Variants in NOTCH3 observed in about 807,000 individuals in gnomAD.
NOTCH3 encodes notch receptor 3.
In NOTCH3, 86 loss-of-function variants were observed where a neutral mutation model predicts 213.3. The observed-to-expected ratio is 0.40, with a 90% CI of 0.34 to 0.48. NOTCH3 has a LOEUF of 0.48. Among genes scored for constraint, NOTCH3 ranks in the 20% least tolerant of loss-of-function variants. The probability of loss-of-function intolerance (pLI) is 0.57; values close to 1 mark genes in which losing one functional copy is unlikely to be tolerated. For missense variants in NOTCH3, 2,783 were observed against 3,272.6 expected, an observed-to-expected ratio of 0.85 and a Z score of 3.65; for synonymous variants, 1,354 against 1,355.9, an observed-to-expected ratio of 1.00 and a Z score of 0.03.
At position 15,160,566 on chromosome 19, in the gene NOTCH3, G is replaced by A. The variant is rs117165744; in HGVS notation, c.*96C>T. ...AGGAGGGTTGGTGGAAAGAGAAGAG[G>A]ATGAAAAAGACTAAAAGGAAGGAAG... On this transcript the variant is annotated 3_prime_UTR_variant, in exon 33 of 33. Coordinates refer to ENST00000263388, the MANE Select transcript of NOTCH3 (RefSeq NM_000435.3). The A allele has an allele frequency of 8.5e-3, 8,657 of 1,015,174 alleles. 59 individuals are homozygous for A. Among genetic ancestry groups the A allele is most frequent in the Middle Eastern group, 0.011 (44 of 4,042 alleles). The allele number at this position is 1,015,174 out of a possible 1,614,324, so 62.9% of individuals were successfully genotyped here. A position where few individuals can be genotyped will look rare whatever the true frequency, so the allele number is the denominator to read the frequency against.
chr19:15,163,315 C>G (rs2046660745), intron 31 of NOTCH3, among the ~76,000 whole-genome samples: 1 of 152,176 alleles, frequency 6.6e-6, no homozygotes, highest in African/African-American at 2.4e-5. Flanking sequence ...TATTCACATT[C>G]AAAGAATGAA....
In NOTCH3 at chr19:15,178,647, T is replaced by C. The variant is rs146554449; in HGVS notation, c.3837+176A>G. ...TGATCCTCCCGCCTCGGCCTCCCAATGTGCTGGGATTACAGGTGTGAGCTA... is the reference window on the plus strand; with the variant it reads ...TGATCCTCCCGCCTCGGCCTCCCAACGTGCTGGGATTACAGGTGTGAGCTA... On this transcript the variant is annotated intron_variant, in intron 23 of 32. Coordinates refer to ENST00000263388, the MANE Select transcript of NOTCH3 (RefSeq NM_000435.3). 4.2e-5 allele frequency: 27 copies of C among 648,568 alleles called. No individual in the cohort carries two copies. The African/African-American group carries it at 4.3e-4, about 10-fold the overall frequency. The allele number at this position is 648,568 out of a possible 1,614,324, so 40.2% of individuals were successfully genotyped here.
chr19:15,179,162 G>C lies in NOTCH3; in HGVS notation c.3581C>G (p.Pro1194Arg), dbSNP rs759742938. 1.2e-6 allele frequency: 2 copies of C among 1,614,164 alleles called. No homozygotes were observed. The highest frequency in any genetic ancestry group is 4.5e-5 in the East Asian group (2 of 44,878). The change falls in exon 22 of 33, where the codon CCC becomes CGC. Residue 1194 changes from proline to arginine, a missense_variant. Transcript: ENST00000263388. The part of the protein sequence containing the change: ...DLVGGFRCTC[P>R]PGYTGLRCEA... ...GCAGCGCAAACCAGTGTATCCTGGG[G>C]GACAGGTGCAGCGGAAACCACCCAC...
At chr19:15,177,458 G>A in intron 24 of NOTCH3, 67 bp downstream of exon 24, 1 of 1,446,368 alleles carries the variant, frequency 6.9e-7, no homozygotes, top group Non-Finnish European at 9.5e-7. Flanking sequence ...AAGAGAGGCA[G>A]GGCCCACGGA....
Position 15,174,263 on chromosome 19 carries a change from A to G in NOTCH3, c.4541T>C (p.Val1514Ala). 2 of 1,578,492 alleles carry G rather than the reference A, an allele frequency of 1.3e-6. No individual in the cohort carries two copies. Among genetic ancestry groups the G allele is most frequent in the Non-Finnish European group, 1.7e-6 (2 of 1,165,226 alleles). ...VPALLARGVL[V>A]LTVLLPPEEL... Reference sequence around the variant, plus strand: ...CTCTGGCGGCAGCAGCACTGTGAGCACCAGCACGCCGCGGGCCAGCAGGGC... The same window carrying G: ...CTCTGGCGGCAGCAGCACTGTGAGCGCCAGCACGCCGCGGGCCAGCAGGGC... The change falls in exon 25 of 33, where the codon GTG (valine) becomes GCG (alanine). Residue 1514 changes from valine to alanine, a missense_variant. Val to Ala is a moderately conservative substitution (Grantham distance 64). Transcript: ENST00000263388.
Position 15,191,662 on chromosome 19 carries a change from G to T in NOTCH3, c.803-5C>A, listed in dbSNP as rs114358848. On this transcript the variant is annotated splice_region_variant and splice_polypyrimidine_tract_variant and intron_variant, in intron 5 of 32. Coordinates refer to ENST00000263388, the MANE Select transcript of NOTCH3 (RefSeq NM_000435.3). ...CGTCCTCCGTGCAGAACTGGCCTGT[G>T]GCACACAGATGCAGCAGTCCAGCCA... The T allele has an allele frequency of 6.2e-7, 1 of 1,613,564 alleles. No homozygotes were observed. The highest frequency in any genetic ancestry group is 1.3e-5 in the African/African-American group (1 of 75,058).
At chr19:15,176,847 C>T (rs1466382756) in intron 24 of NOTCH3, among the ~76,000 whole-genome samples, 14 of 145,130 alleles carry the variant, frequency 9.6e-5, no homozygotes, top group South Asian at 4.4e-4. Context: ...CCAAGGCGGG[C>T]GGATCACAAG....
At chr19:15,199,893 C>T (rs926179308) in intron 1 of NOTCH3, among the ~76,000 whole-genome samples, 2 of 152,168 alleles carry the variant, frequency 1.3e-5, no homozygotes, top group East Asian at 3.9e-4. Context: ...ACCAGGCCTC[C>T]CGTAGCGGTG....
intron 3 of NOTCH3, 23 bp from the exon 4 acceptor site, chr19:15,192,321 A>G (rs764488869): frequency 1.6e-5 from 26 of 1,611,614 alleles, no homozygotes; most frequent in Non-Finnish European, 3.4e-6. Flanking sequence ...GGACAGGGTG[A>G]GTTTAGGACT....
intron 25 of NOTCH3, among the ~76,000 whole-genome samples, chr19:15,171,862 G>A (rs1003729043): frequency 6.6e-6 from 1 of 151,718 alleles, no homozygotes; most frequent in Non-Finnish European, 1.5e-5. Context: ...TAGAGACGGG[G>A]TTTCACCGTG....
At chr19:15,186,625 G>T (rs968986568) in intron 12 of NOTCH3, among the ~76,000 whole-genome samples, 1 of 152,094 alleles carries the variant, frequency 6.6e-6, no homozygotes, top group African/African-American at 2.4e-5. Context: ...CGCTGGTCTC[G>T]AACTCCTGAC....
At chr19:15,173,748 A>AAGAAGGAGAAGGAGAAGG (rs1193187942) in intron 25 of NOTCH3, among the ~76,000 whole-genome samples, 1 of 5,514 alleles carries the variant, frequency 1.8e-4, no homozygotes, top group Non-Finnish European at 4.3e-4. Flanking sequence ...AAAAGAAAAG[A>AAGAAGGAGAAGGAGAAGG]AGAAGGAGAA....
At chr19:15,173,203 C>T (rs1234504582) in intron 25 of NOTCH3, among the ~76,000 whole-genome samples, 4 of 144,478 alleles carry the variant, frequency 2.8e-5, no homozygotes, top group African/African-American at 5.0e-5. Context: ...AGGTGGATCA[C>T]GAAGTCAGGA....
rs2046871157 is a variant in NOTCH3, at chr19:15,185,212, G to A, written c.2296+45C>T. 6.2e-7 allele frequency: 1 copy of A among 1,605,024 alleles called. No individual in the cohort carries two copies. On this transcript the variant is annotated intron_variant, in intron 14 of 32. Transcript: ENST00000263388. This position sits in a 1 kb window ranked among gnomAD's most constrained non-coding sequence, Gnocchi z 4.2. Reference sequence around the variant, plus strand: ...AGTAGAGGAGAAGAGAGATGAGAAGGCCCATGGTGTTGGTGGGGCTGCAGA... The same window carrying A: ...AGTAGAGGAGAAGAGAGATGAGAAGACCCATGGTGTTGGTGGGGCTGCAGA...
intron 1 of NOTCH3, among the ~76,000 whole-genome samples, chr19:15,200,220 G>A (rs1344097657): frequency 1.3e-5 from 2 of 151,166 alleles, no homozygotes; most frequent in East Asian, 2.0e-4. Context: ...GCGGGCGGGG[G>A]AGGGGGCGCG....
rs1400946198 is a variant in NOTCH3 at position 15,179,187 on chromosome 19, C to G, written c.3556G>C (p.Val1186Leu). 26 of 1,613,984 alleles carry G rather than the reference C, an allele frequency of 1.6e-5. No homozygotes were observed. The highest frequency in any genetic ancestry group is 2.2e-5 in the Non-Finnish European group (26 of 1,180,010). Residue 1186 changes from valine to leucine, a missense_variant, in exon 22 of 33, where the codon GTG (valine) becomes CTG (leucine). Coordinates refer to ENST00000263388, the MANE Select transcript of NOTCH3 (RefSeq NM_000435.3). ...GGACAGGTGCAGCGGAAACCACCCA[C>G]CAGGTCCACGCAGGTGCCATTGTGT... ...CLHNGTCVDL[V>L]GGFRCTCPPG...
chr19:15,171,152 A>C (rs951412732), intron 25 of NOTCH3, among the ~76,000 whole-genome samples: 1 of 152,112 alleles, frequency 6.6e-6, no homozygotes, highest in Non-Finnish European at 1.5e-5. Flanking sequence ...CAGCCTCCCA[A>C]GTAGCTGGGA....
At chr19:15,172,351 G>A (rs1017167975) in intron 25 of NOTCH3, among the ~76,000 whole-genome samples, 4 of 151,824 alleles carry the variant, frequency 2.6e-5, no homozygotes, top group African/African-American at 9.7e-5. Flanking sequence ...TGTGTCTTTA[G>A]CCCCCAGGTA....
rs2046978227 is a variant in NOTCH3, at chr19:15,197,527, T to C, written c.170A>G (p.Gln57Arg). 2.5e-6 allele frequency: 4 copies of C among 1,572,438 alleles called. No individual in the cohort carries two copies. Among genetic ancestry groups the C allele is most frequent in the South Asian group, 1.1e-5 (1 of 90,138 alleles). The change falls in exon 2 of 33, where the codon CAG (glutamine) becomes CGG (arginine). Residue 57 changes from glutamine to arginine, a missense_variant. Physicochemically the swap from Gln to Arg is conservative, Grantham distance 43. This residue lies in a region of NOTCH3 where 708 missense variants were observed against 906.6 expected (regional missense o/e 0.78). Coordinates refer to ENST00000263388, the MANE Select transcript of NOTCH3 (RefSeq NM_000435.3). ...SPCANGGRCT[Q>R]LPSREAACLC... is the part of the protein sequence containing the mutation. ...GCAGGCAGCCTCCCGGGAGGGCAGC[T>C]GGGTGCAACGACCTCCATTTGCACA...
Sources: allele counts gnomAD v4.1 joint callset (sites outside exome capture counted in the v4.1 genomes callset), GRCh38; gene constraint gnomAD v4.1.1; regional missense constraint gnomAD v4.1.1; non-coding constraint Gnocchi (gnomAD v3.1); transcripts MANE v1.5; gene names NCBI Gene and HGNC (gene_info 2026-07-23, HGNC 2026-07-21).